The following TNS3 variants were observed in gnomAD, a reference collection of about 807,000 sequenced individuals.
The protein encoded by TNS3 is tensin-3.
Under a neutral mutation model 140.9 loss-of-function variants are expected in TNS3, and 45 were observed. The observed-to-expected ratio is 0.32, with a 90% confidence interval of 0.25 to 0.41. The LOEUF is 0.41. Ranked by LOEUF, TNS3 falls within the 10% of genes least tolerant of loss-of-function variation. The pLI is 1.00. For synonymous variants in TNS3, 815 were observed against 788.4 expected, an observed-to-expected ratio of 1.03 and a Z score of -0.56; for missense variants, 1,716 against 1,906.7, an observed-to-expected ratio of 0.90 and a Z score of 1.86.
At position 47,576,675 on chromosome 7, in the gene TNS3, T is replaced by C. The variant is rs528276583; in HGVS notation, c.-265+5376A>G. On this transcript the variant is annotated intron_variant, in intron 1 of 30. Transcript: ENST00000311160. The stretch of plus-strand genomic sequence containing the variant: ...GCCAGGACGCAGATGCCCCTGCTAA[T>C]GGCCCAGTGTGCCCCAGGGCCCACT... 1.5e-3 allele frequency among the ~76,000 whole-genome samples: 221 copies of C among 152,342 alleles called. 1 individual carries two copies. The highest frequency in any genetic ancestry group is 5.2e-3 in the African/African-American group (215 of 41,580).
At chr7:47,476,299 G>A (rs1277804519) in intron 4 of TNS3, among the ~76,000 whole-genome samples, 1 of 152,180 alleles carries the variant, frequency 6.6e-6, no homozygotes, top group Non-Finnish European at 1.5e-5. Flanking sequence ...CCCAACTCTA[G>A]TCCATGCTCA....
intron 17 of TNS3, among the ~76,000 whole-genome samples, chr7:47,349,994 A>G (rs1223981720): frequency 6.6e-6 from 1 of 152,216 alleles, no homozygotes; most frequent in Non-Finnish European, 1.5e-5. Flanking sequence ...TACACCACAC[A>G]GCATGTCAGC....
chr7:47,365,151 A>G (rs1029941541), intron 17 of TNS3, among the ~76,000 whole-genome samples: 2 of 152,236 alleles, frequency 1.3e-5, no homozygotes, highest in East Asian at 3.8e-4. Context: ...AATCAAAATC[A>G]AAATGTGTTA....
intron 4 of TNS3, among the ~76,000 whole-genome samples, chr7:47,472,432 T>C (rs1265040471): frequency 2.0e-5 from 3 of 152,200 alleles, no homozygotes; most frequent in East Asian, 1.9e-4. Flanking sequence ...AAGGAGCCCA[T>C]TGGCTTGCCC....
chr7:47,329,535 G>A (rs988551021), intron 20 of TNS3, among the ~76,000 whole-genome samples: 13 of 152,126 alleles, frequency 8.5e-5, no homozygotes, highest in African/African-American at 2.7e-4. Context: ...CAGGGCCACC[G>A]CTCCGCACAT....
At chr7:47,491,955 G>A (rs1288275822) in intron 3 of TNS3, among the ~76,000 whole-genome samples, 2 of 152,194 alleles carry the variant, frequency 1.3e-5, no homozygotes, top group Non-Finnish European at 2.9e-5. Context: ...CTGACACCAT[G>A]AACATTCTAA....
chr7:47,519,816 CTTTTTTTTTTT>C (rs34418629), intron 2 of TNS3, among the ~76,000 whole-genome samples: 1 of 74,824 alleles, frequency 1.3e-5, no homozygotes, highest in Admixed American at 2.3e-4. Flanking sequence ...CCTCACATTT[CTTTTTTTTTTT>C]TTTTTTTTTT....
chr7:47,552,603 G>A (rs1584850416), intron 1 of TNS3, among the ~76,000 whole-genome samples: 1 of 152,162 alleles, frequency 6.6e-6, no homozygotes, highest in Non-Finnish European at 1.5e-5. Context: ...TATTGTAATT[G>A]TTTTGGGGTG....
At chr7:47,453,441 A>C (rs1796112800) in intron 4 of TNS3, among the ~76,000 whole-genome samples, 2 of 152,142 alleles carry the variant, frequency 1.3e-5, no homozygotes, top group South Asian at 4.1e-4. Flanking sequence ...CAGGTAACAG[A>C]TGCCTGATGC....
At chr7:47,485,747 T>G (rs1246319174) in intron 3 of TNS3, among the ~76,000 whole-genome samples, 1 of 152,246 alleles carries the variant, frequency 6.6e-6, no homozygotes, top group Non-Finnish European at 1.5e-5. Flanking sequence ...CCTAATCTAC[T>G]GTTCCCAAGG....
chr7:47,441,410 T>C (rs2151574978), intron 5 of TNS3, among the ~76,000 whole-genome samples: 1 of 152,288 alleles, frequency 6.6e-6, no homozygotes, highest in Admixed American at 6.5e-5. Context: ...TTTCCTGACC[T>C]TGTGGTCTCC....
chr7:47,504,508 C>T (rs1798342726), intron 3 of TNS3, among the ~76,000 whole-genome samples: 1 of 152,238 alleles, frequency 6.6e-6, no homozygotes, highest in African/African-American at 2.4e-5. Flanking sequence ...ACGCTACCAC[C>T]CAGTCTTGGG....
At chr7:47,481,242 A>G in intron 3 of TNS3, 101 bp from the exon 4 acceptor site, 1 of 864,556 alleles carries the variant, frequency 1.2e-6, no homozygotes, top group South Asian at 1.4e-5. Context: ...AACTGTCTCT[A>G]ACCTCACTCT....
At chr7:47,408,403 G>A (rs1000742646) in intron 13 of TNS3, among the ~76,000 whole-genome samples, 8 of 152,136 alleles carry the variant, frequency 5.3e-5, no homozygotes, top group Non-Finnish European at 1.0e-4. Flanking sequence ...CTTGGGCTGC[G>A]GTGCCCACTA....
intron 6 of TNS3, among the ~76,000 whole-genome samples, chr7:47,439,051 G>T (rs75675493): frequency 6.6e-6 from 1 of 152,216 alleles, no homozygotes; most frequent in Non-Finnish European, 1.5e-5. Context: ...AAATCAAGCT[G>T]TCTCCTTGTC....
intron 23 of TNS3, among the ~76,000 whole-genome samples, chr7:47,299,719 G>A (rs1243825942): frequency 6.6e-6 from 1 of 152,222 alleles, no homozygotes; most frequent in Non-Finnish European, 1.5e-5. Flanking sequence ...GGCAATGGGA[G>A]TAAGAGGAGA....
Position 47,297,206 on chromosome 7 carries a change from G to T in TNS3, c.3552C>A (p.Ala1184=). 1 of 1,610,600 alleles carries T rather than the reference G, an allele frequency of 6.2e-7. No homozygotes were observed. Among genetic ancestry groups the T allele is most frequent in the Non-Finnish European group, 8.5e-7 (1 of 1,178,692 alleles). ...KADISREQAI[A]MLKDKEPGSF... is the part of the protein sequence containing the mutation. ...AGCCCGGCTCCTTGTCCTTCAACAT[G>T]GCGATGGCTGGAGAAAGGGAGGAGA... The change falls in exon 24 of 31, where the codon GCC becomes GCA. Residue 1184 remains alanine (A), a synonymous_variant. Transcript: ENST00000311160.
At chr7:47,503,541 T>C (rs1335662756) in intron 3 of TNS3, among the ~76,000 whole-genome samples, 3 of 152,126 alleles carry the variant, frequency 2.0e-5, no homozygotes, top group Middle Eastern at 3.2e-3. Context: ...AGCAAAACAG[T>C]TGAAATCCCA....
At chr7:47,577,248 T>C (rs1562866088) in intron 1 of TNS3, among the ~76,000 whole-genome samples, 1 of 152,198 alleles carries the variant, frequency 6.6e-6, no homozygotes, top group Non-Finnish European at 1.5e-5. Flanking sequence ...TTCCTAAAGA[T>C]TCTTCTGATA....
Sources: gnomAD v4.1 joint callset for allele counts (sites outside exome capture counted in the v4.1 genomes callset) on GRCh38, gnomAD v4.1.1 for gene constraint, MANE v1.5 for transcripts, NCBI Gene and HGNC (gene_info 2026-07-23, HGNC 2026-07-21) for gene names.